Variants in CHEK1 observed in about 807,000 individuals in gnomAD.
The protein encoded by CHEK1 is checkpoint kinase 1.
Under a neutral mutation model 60.2 loss-of-function variants are expected in CHEK1, and 32 were observed. The observed-to-expected ratio is 0.53, with a 90% confidence interval of 0.40 to 0.71. The LOEUF (loss-of-function observed/expected upper bound fraction) is 0.71. Among genes scored for constraint, CHEK1 ranks in the 30% least tolerant of loss-of-function variants. The pLI is 0.00. For synonymous variants in CHEK1, 179 were observed against 187.2 expected (o/e 0.96, Z 0.36); for missense variants, 399 against 564.6 (o/e 0.71, Z 2.97).
chr11:125,661,335 A>G (rs2136077576), downstream of CHEK1, among the ~76,000 whole-genome samples: 1 of 151,624 alleles, frequency 6.6e-6, no homozygotes, highest in South Asian at 2.1e-4. Flanking sequence ...TTTTTGAGAC[A>G]GGGTCTCACT....
At chr11:125,639,294 C>T (rs748776138) in intron 8 of CHEK1, among the ~76,000 whole-genome samples, 2 of 151,938 alleles carry the variant, frequency 1.3e-5, no homozygotes, top group Non-Finnish European at 2.9e-5. Flanking sequence ...CTCAAGTGGG[C>T]CCTTAATGCT....
intron 6 of CHEK1, among the ~76,000 whole-genome samples, chr11:125,635,090 C>T (rs1036570010): frequency 6.6e-6 from 1 of 151,940 alleles, no homozygotes; most frequent in African/African-American, 2.4e-5. Context: ...CCTGAGGAGC[C>T]AGGACTACAG....
chr11:125,648,763 G>A (rs943524911), intron 11 of CHEK1, among the ~76,000 whole-genome samples: 1 of 151,734 alleles, frequency 6.6e-6, no homozygotes, highest in African/African-American at 2.4e-5. Flanking sequence ...GTTAAGTTTC[G>A]AGTCTTTCAG....
rs979821544 is a variant in CHEK1, at chr11:125,654,199, G to A, written c.1335+352G>A. 6.6e-5 allele frequency among the ~76,000 whole-genome samples: 10 copies of A among 151,694 alleles called. No homozygotes were observed. In the South Asian group the frequency reaches 1.5e-3, roughly 22 times the overall value. The stretch of plus-strand genomic sequence containing the variant: ...CAAAAAATTAGCCAGGCGTGGTGGC[G>A]GGTGCCTGTAATCCCAGCTACTTGG... On this transcript the variant is annotated intron_variant, in intron 12 of 12. Transcript: ENST00000438015.
chr11:125,677,962 A>G, downstream of CHEK1: 1 of 1,612,406 alleles, frequency 6.2e-7, no homozygotes, highest in Non-Finnish European at 8.5e-7. Flanking sequence ...AGCTCACTCA[A>G]AGGCTGTTCT....
intron 2 of CHEK1, 25 bp downstream of exon 2, chr11:125,626,858 G>T: frequency 6.2e-7 from 1 of 1,610,346 alleles, no homozygotes; most frequent in Non-Finnish European, 8.5e-7. Context: ...GCTTGCCTTC[G>T]TTTTCTGAGT....
At chr11:125,678,080 C>T, downstream of CHEK1, 1 of 1,614,172 alleles carries the variant, frequency 6.2e-7, no homozygotes, top group Non-Finnish European at 8.5e-7. Context: ...CATGCTCACT[C>T]TCAGCATGTT....
At chr11:125,677,600 C>T (rs1565396232), downstream of CHEK1, among the ~76,000 whole-genome samples, 1 of 152,154 alleles carries the variant, frequency 6.6e-6, no homozygotes, top group Non-Finnish European at 1.5e-5. Flanking sequence ...AGAGGGCCCT[C>T]CATATTGTTT....
chr11:125,646,063 G>A (rs113013213), intron 11 of CHEK1, among the ~76,000 whole-genome samples: 2,099 of 151,870 alleles, frequency 0.014, 24 homozygotes, highest in Non-Finnish European at 0.022. Flanking sequence ...TGCAACCATC[G>A]CCCCTAATTC....
Position 125,644,084 on chromosome 11 carries a change from G to T in CHEK1, c.924-7G>T. On this transcript the variant is annotated splice_region_variant and splice_polypyrimidine_tract_variant and intron_variant, in intron 9 of 12. Transcript: ENST00000438015. ...AATGTATGTTTCTTTCTGTCTTAATGCCTCAGTGAAGAAAATGTGAAGTAC... is the reference window on the plus strand; with the variant it reads ...AATGTATGTTTCTTTCTGTCTTAATTCCTCAGTGAAGAAAATGTGAAGTAC... 1 of 1,607,386 alleles carries T rather than the reference G, an allele frequency of 6.2e-7. No individual in the cohort carries two copies. Among genetic ancestry groups the T allele is most frequent in the Non-Finnish European group, 8.5e-7 (1 of 1,178,258 alleles).
chr11:125,634,672 A>T (rs1046232402), intron 6 of CHEK1, among the ~76,000 whole-genome samples: 1 of 152,150 alleles, frequency 6.6e-6, no homozygotes, highest in Non-Finnish European at 1.5e-5. Context: ...ATAAGCTCTT[A>T]ATAAGAGCAC....
In CHEK1 at chr11:125,673,278, C is replaced by A. The variant is rs565505180; in HGVS notation, c.*28-2650C>A. Among the ~76,000 whole-genome samples, 299 of 151,566 alleles carry A rather than the reference C, an allele frequency of 2.0e-3. 1 individual carries two copies. The highest frequency in any genetic ancestry group is 7.0e-3 in the African/African-American group (288 of 41,288). ...GGAGTGCAGTGGTGCAACCTCAGCT[C>A]ACCGCAGCCTCCACCTCCCAGGTTC... is the stretch of plus-strand genomic sequence containing the variant. On this transcript the variant is annotated intron_variant, in intron 13 of 13. Coordinates refer to the CHEK1 transcript ENST00000428830.
At chr11:125,672,628 A>G (rs1458459970) in intron 13 of CHEK1, 2 of 1,614,160 alleles carry the variant, frequency 1.2e-6, no homozygotes, top group Non-Finnish European at 1.7e-6. Context: ...TTTCGACAGC[A>G]TATAATTTGC....
chr11:125,650,462 T>G (rs1433041622), intron 11 of CHEK1, among the ~76,000 whole-genome samples: 14 of 150,046 alleles, frequency 9.3e-5, no homozygotes, highest in Non-Finnish European at 1.9e-4. Context: ...GTGTTTGTTT[T>G]TTTTTTTTTT....
chr11:125,669,205 C>G (rs1188747589), intron 13 of CHEK1, among the ~76,000 whole-genome samples: 1 of 152,160 alleles, frequency 6.6e-6, no homozygotes. Flanking sequence ...GCCTGAAGTT[C>G]TTTTAGCTTG....
chr11:125,651,808 A>G (rs1941747988), intron 11 of CHEK1, among the ~76,000 whole-genome samples: 1 of 152,200 alleles, frequency 6.6e-6, no homozygotes, highest in African/African-American at 2.4e-5. Context: ...AAGTTGCTGC[A>G]AGCTTTTAGC....
At chr11:125,671,132 A>G (rs1250290836) in intron 13 of CHEK1, among the ~76,000 whole-genome samples, 1 of 152,020 alleles carries the variant, frequency 6.6e-6, no homozygotes, top group East Asian at 1.9e-4. Flanking sequence ...GTCTCAAATT[A>G]TTTTCCTGCC....
intron 11 of CHEK1, among the ~76,000 whole-genome samples, chr11:125,646,907 T>C (rs1941526844): frequency 6.6e-6 from 1 of 152,112 alleles, no homozygotes; most frequent in Admixed American, 6.5e-5. Context: ...TGGGAGAAAA[T>C]TCCCCCATTC....
rs1941921753 is a variant in CHEK1, at chr11:125,657,040, T to C, written c.*1720T>C. 1 of 187,652 alleles carries C rather than the reference T, an allele frequency of 5.3e-6. No individual in the cohort carries two copies. The highest frequency in any genetic ancestry group is 1.9e-4 in the South Asian group (1 of 5,136). The allele number at this position is 187,652 out of a possible 1,614,324, so 11.6% of individuals were successfully genotyped here. On this transcript the variant is annotated 3_prime_UTR_variant, in exon 13 of 13. Coordinates refer to ENST00000438015, the MANE Select transcript of CHEK1 (RefSeq NM_001114122.3). ...TCCTGTTTTGCACAGAAAGGCATTC[T>C]GTAAATAATAAGTTGCCTTAATTTT...
Sources: allele counts gnomAD v4.1 joint callset (sites outside exome capture counted in the v4.1 genomes callset), GRCh38; gene constraint gnomAD v4.1.1; transcripts MANE v1.5; gene names NCBI Gene and HGNC (gene_info 2026-07-23, HGNC 2026-07-21).